The following LRRC37A2 variants were observed in gnomAD, a reference collection of about 807,000 sequenced individuals.
LRRC37A2 encodes leucine rich repeat containing 37 member A2.
Under a neutral mutation model 68.8 loss-of-function variants are expected in LRRC37A2, and 9 were observed. That is an observed-to-expected ratio of 0.13 (90% CI 0.08 to 0.23). The LOEUF (loss-of-function observed/expected upper bound fraction) is 0.23, where lower values mean the gene tolerates loss of function less well. Ranked by LOEUF, LRRC37A2 falls within the 10% of genes least tolerant of loss-of-function variation. The probability of loss-of-function intolerance (pLI) is 1.00; values close to 1 mark genes in which losing one functional copy is unlikely to be tolerated. For missense variants in LRRC37A2, 168 were observed against 950.4 expected, an observed-to-expected ratio of 0.18 and a Z score of 10.82; for synonymous variants, 63 against 367.6, an observed-to-expected ratio of 0.17 and a Z score of 9.48.
At chr17:46,946,091 A>T in the LRRC37A2 span, among the ~76,000 whole-genome samples, 2 of 151,990 alleles carry the variant, frequency 1.3e-5, no homozygotes, top group African/African-American at 2.4e-5. Flanking sequence ...TCCTTAGGCC[A>T]CCTGGGAATC....
chr17:46,738,839 C>G, the LRRC37A2 span, among the ~76,000 whole-genome samples: 1 of 152,274 alleles, frequency 6.6e-6, no homozygotes, highest in Admixed American at 6.5e-5. Context: ...CAGTGGCTTA[C>G]GCCTATAATC....
the LRRC37A2 span, chr17:46,937,123 G>A: frequency 6.6e-6 from 1 of 152,276 alleles, no homozygotes; most frequent in Admixed American, 6.5e-5. Flanking sequence ...AAATTAGAAA[G>A]CAGTAGGGAA....
chr17:46,981,938 A>G, the LRRC37A2 span, among the ~76,000 whole-genome samples: 1 of 152,072 alleles, frequency 6.6e-6, no homozygotes, highest in African/African-American at 2.4e-5. Context: ...CTGGGCTCAG[A>G]TGATCTACCA....
chr17:47,018,913 C>A, the LRRC37A2 span: 1 of 1,519,572 alleles, frequency 6.6e-7, no homozygotes, highest in Non-Finnish European at 9.1e-7. Context: ...CCAACTCAGC[C>A]TCCTAAGAAA....
At chr17:46,707,739 T>C in the LRRC37A2 span, among the ~76,000 whole-genome samples, 3 of 152,034 alleles carry the variant, frequency 2.0e-5, no homozygotes, top group East Asian at 3.9e-4. Flanking sequence ...TGGATAATAC[T>C]CCATTATATG....
the LRRC37A2 span, among the ~76,000 whole-genome samples, chr17:46,727,482 T>C: frequency 1.3e-4 from 20 of 152,220 alleles, no homozygotes; most frequent in Non-Finnish European, 2.4e-4. Context: ...CTGTCCATAA[T>C]GGTGTAGTCG....
At chr17:47,044,185 T>C in the LRRC37A2 span, among the ~76,000 whole-genome samples, 2 of 146,510 alleles carry the variant, frequency 1.4e-5, no homozygotes, top group South Asian at 4.5e-4. Context: ...ACCTGAAAAG[T>C]TCTGTGGCAT....
the LRRC37A2 span, among the ~76,000 whole-genome samples, chr17:46,777,723 C>T: frequency 2.6e-5 from 4 of 152,334 alleles, no homozygotes; most frequent in East Asian, 7.7e-4. Context: ...ATTGTTATCC[C>T]CATTTTGCAG....
At chr17:46,993,328 G>A in the LRRC37A2 span, among the ~76,000 whole-genome samples, 2 of 152,216 alleles carry the variant, frequency 1.3e-5, no homozygotes, top group African/African-American at 4.8e-5. Context: ...TCCTTGGTGA[G>A]GAAGTCAGGC....
the LRRC37A2 span, among the ~76,000 whole-genome samples, chr17:46,891,234 G>A: frequency 3.9e-5 from 6 of 152,186 alleles, no homozygotes; most frequent in Non-Finnish European, 2.9e-5. Flanking sequence ...TTTGTGTAGC[G>A]CATTCCTGTT....
the LRRC37A2 span, chr17:46,851,665 G>C: frequency 7.7e-7 from 1 of 1,302,216 alleles, no homozygotes; most frequent in Non-Finnish European, 9.7e-7. The surrounding 1 kb of genome is among the most constrained non-coding windows in gnomAD (Gnocchi z 4.3). Flanking sequence ...CGCTGGCCCT[G>C]GCCGGGCTCT....
chr17:46,820,064 G>C, the LRRC37A2 span, among the ~76,000 whole-genome samples: 1 of 152,374 alleles, frequency 6.6e-6, no homozygotes, highest in East Asian at 1.9e-4. Flanking sequence ...GGAACGGCGG[G>C]CGTTCCACGA....
the LRRC37A2 span, among the ~76,000 whole-genome samples, chr17:46,610,098 TTTC>T: frequency 1.1e-4 from 5 of 47,338 alleles, no homozygotes; most frequent in African/African-American, 5.4e-4. Context: ...CTTTTCTCTC[TTTC>T]TCTCTCTCTC....
At chr17:46,899,030 G>A in the LRRC37A2 span, among the ~76,000 whole-genome samples, 1 of 152,164 alleles carries the variant, frequency 6.6e-6, no homozygotes, top group South Asian at 2.1e-4. Flanking sequence ...ATCCACTGGT[G>A]AATGGATAAA....
At chr17:46,934,911 AT>A in the LRRC37A2 span, 1 of 901,912 alleles carries the variant, frequency 1.1e-6, no homozygotes. Flanking sequence ...GGGTCCGCTG[AT>A]TCTTTCACCA....
the LRRC37A2 span, among the ~76,000 whole-genome samples, chr17:46,821,399 T>C: frequency 6.6e-6 from 1 of 152,164 alleles, no homozygotes; most frequent in Non-Finnish European, 1.5e-5. Flanking sequence ...CTGCACCCCT[T>C]GCGCTGCCGC....
chr17:46,930,383 T>C, the LRRC37A2 span: 1 of 152,366 alleles, frequency 6.6e-6, no homozygotes, highest in African/African-American at 2.4e-5. Flanking sequence ...TTTGTTTGCC[T>C]TCTCAGCAAT....
At chr17:46,794,134 G>A in the LRRC37A2 span, among the ~76,000 whole-genome samples, 1 of 151,996 alleles carries the variant, frequency 6.6e-6, no homozygotes, top group East Asian at 1.9e-4. Context: ...GCGTGGGGGA[G>A]AGCAAGTGAA....
At chr17:46,770,061 C>A in the LRRC37A2 span, 5 of 1,533,818 alleles carry the variant, frequency 3.3e-6, no homozygotes, top group East Asian at 2.4e-5. Flanking sequence ...GCGGGGAGGT[C>A]GTGGGGAGGC....
Sources: allele counts gnomAD v4.1 joint callset (sites outside exome capture counted in the v4.1 genomes callset), GRCh38; gene constraint gnomAD v4.1.1; non-coding constraint Gnocchi (gnomAD v3.1); transcripts MANE v1.5; gene names NCBI Gene and HGNC (gene_info 2026-07-23, HGNC 2026-07-21).